The following CRACDL variants were observed in gnomAD, a reference collection of about 807,000 sequenced individuals.
CRACDL encodes CRACD-like protein.
In CRACDL, 26 loss-of-function variants were observed where a neutral mutation model predicts 70.6. That is an observed-to-expected ratio of 0.37 (90% CI 0.27 to 0.51). The LOEUF is 0.51. Ranked by LOEUF, CRACDL falls within the 20% of genes least tolerant of loss-of-function variation. CRACDL has a pLI of 0.94. For synonymous variants in CRACDL, 618 were observed against 615.2 expected (o/e 1.00, Z -0.07); for missense variants, 1,283 against 1,376.9 (o/e 0.93, Z 1.08).
chr2:98,822,428 G>A lies in CRACDL; in HGVS notation c.1845C>T (p.Asp615=). The change falls in exon 7 of 10, where the codon GAC becomes GAT. Residue 615 remains aspartate (D), a synonymous_variant. Coordinates refer to ENST00000397899, the MANE Select transcript of CRACDL (RefSeq NM_207362.3). The surrounding 1 kb of genome is among the most constrained non-coding windows in gnomAD (Gnocchi z 4.9). ...GCTGGGGCTCGGGGAGACCCTGGAG[G>A]TCGTCAAGAGCCGCCTCGCTCCTCC... ...PVWRSEAALD[D]LQGLPEPQHA... 1.3e-6 allele frequency: 2 copies of A among 1,484,112 alleles called. No homozygotes were observed. Among genetic ancestry groups the A allele is most frequent in the Non-Finnish European group, 1.8e-6 (2 of 1,125,614 alleles). The allele number at this position is 1,484,112 out of a possible 1,614,324, so 91.9% of individuals were successfully genotyped here. A position where few individuals can be genotyped will look rare whatever the true frequency, so the allele number is the denominator to read the frequency against.
In CRACDL at chr2:98,822,330, G is replaced by T; in HGVS notation, c.1943C>A (p.Ala648Asp). 6.9e-7 allele frequency: 1 copy of T among 1,457,016 alleles called. No homozygotes were observed. The highest frequency in any genetic ancestry group is 9.0e-7 in the Non-Finnish European group (1 of 1,116,318). 90.3% of individuals were successfully genotyped at this position (1,457,016 alleles called of 1,614,324 possible). ...QDSGDRAASP[A>D]GPRKSPQEAA... ...CTCCTGAGGGCTCTTGCGCGGCCCG[G>T]CCGGGCTGGCCGCCCTGTCCCCCGA... The change falls in exon 7 of 10, where the codon GCC (alanine) becomes GAC (aspartate). Residue 648 changes from alanine (A) to aspartate (D), a missense_variant. Physicochemically the swap from Ala to Asp is moderately radical, Grantham distance 126. Around this residue, in one of 2 missense-constraint regions of CRACDL, gnomAD observed 921 missense variants for 881.9 expected, o/e 1.04. Coordinates refer to ENST00000397899, the MANE Select transcript of CRACDL (RefSeq NM_207362.3). The surrounding 1 kb of genome is among the most constrained non-coding windows in gnomAD (Gnocchi z 4.9).
intron 1 of CRACDL, among the ~76,000 whole-genome samples, chr2:98,925,225 G>C (rs1368100264): frequency 2.0e-5 from 3 of 152,192 alleles, no homozygotes; most frequent in Non-Finnish European, 4.4e-5. Flanking sequence ...GGGAATGAAG[G>C]GCCCCTCCCT....
At chr2:98,910,261 T>A (rs1708514831) in intron 1 of CRACDL, among the ~76,000 whole-genome samples, 1 of 152,114 alleles carries the variant, frequency 6.6e-6, no homozygotes, top group Non-Finnish European at 1.5e-5. Context: ...GGCTCACACC[T>A]GTAATCCCAG....
chr2:98,839,417 T>A (rs1269618099), intron 2 of CRACDL, among the ~76,000 whole-genome samples: 1 of 152,244 alleles, frequency 6.6e-6, no homozygotes, highest in African/African-American at 2.4e-5. Flanking sequence ...GCATTTATGA[T>A]TTTGAAAGAT....
chr2:98,933,808 TCC>T (rs981795408), intron 1 of CRACDL, among the ~76,000 whole-genome samples: 2 of 152,034 alleles, frequency 1.3e-5, no homozygotes, highest in African/African-American at 4.8e-5. Context: ...GCCAGCTGAG[TCC>T]ATTTCAGCTG....
intron 1 of CRACDL, among the ~76,000 whole-genome samples, chr2:98,912,456 G>T (rs977358969): frequency 3.9e-5 from 6 of 152,228 alleles, no homozygotes; most frequent in African/African-American, 1.4e-4. Context: ...GTCCATGTTT[G>T]TCTCCGGCAG....
At chr2:98,890,033 T>C (rs1419172701) in intron 1 of CRACDL, among the ~76,000 whole-genome samples, 1 of 152,186 alleles carries the variant, frequency 6.6e-6, no homozygotes, top group African/African-American at 2.4e-5. Context: ...TATTTATAGC[T>C]GTAAGTGACA....
At chr2:98,885,283 T>C (rs1707771219) in intron 1 of CRACDL, among the ~76,000 whole-genome samples, 1 of 152,212 alleles carries the variant, frequency 6.6e-6, no homozygotes, top group Non-Finnish European at 1.5e-5. Flanking sequence ...CCTGACTTCA[T>C]ATCAGTACCC....
intron 2 of CRACDL, among the ~76,000 whole-genome samples, chr2:98,845,522 A>T (rs1330218731): frequency 2.0e-5 from 3 of 151,780 alleles, no homozygotes; most frequent in African/African-American, 7.3e-5. Context: ...TGGCCTTATT[A>T]TTTCTTACTT....
intron 5 of CRACDL, among the ~76,000 whole-genome samples, chr2:98,831,050 T>TA: frequency 6.6e-6 from 1 of 152,234 alleles, no homozygotes; most frequent in African/African-American, 2.4e-5. Flanking sequence ...TTGGAGGTGT[T>TA]AAAAGGGGTA....
At chr2:98,901,151 T>C (rs186213447) in intron 1 of CRACDL, among the ~76,000 whole-genome samples, 1 of 152,320 alleles carries the variant, frequency 6.6e-6, no homozygotes, top group East Asian at 1.9e-4. Context: ...GCAACCCCTC[T>C]CATCTGTGAA....
intron 7 of CRACDL, among the ~76,000 whole-genome samples, chr2:98,802,998 CTTT>C (rs34784675): frequency 5.5e-5 from 7 of 128,202 alleles, no homozygotes; most frequent in Non-Finnish European, 5.0e-5. Context: ...ACATGCCTGG[CTTT>C]TTTTTTTTTT....
chr2:98,823,081 C>A lies in CRACDL; in HGVS notation c.1192G>T (p.Val398Phe), dbSNP rs760736948. 1.9e-6 allele frequency: 3 copies of A among 1,574,114 alleles called. No homozygotes were observed. Among genetic ancestry groups the A allele is most frequent in the Non-Finnish European group, 1.7e-6 (2 of 1,163,380 alleles). Residue 398 changes from valine to phenylalanine, a missense_variant, in exon 7 of 10, where the codon GTC becomes TTC. Around this residue, in one of 2 missense-constraint regions of CRACDL, gnomAD observed 921 missense variants for 881.9 expected, o/e 1.04. Coordinates refer to ENST00000397899, the MANE Select transcript of CRACDL (RefSeq NM_207362.3). The surrounding 1 kb of genome is among the most constrained non-coding windows in gnomAD (Gnocchi z 4.0). ...AEEVVCAPED[V>F]ASPFPTAIPE... ...ATGGCGGTGGGAAACGGGCTCGCGA[C>A]GTCTTCGGGAGCACAGACCACCTCC...
chr2:98,821,507 A>G (rs1705025377), intron 7 of CRACDL, among the ~76,000 whole-genome samples: 1 of 152,206 alleles, frequency 6.6e-6, no homozygotes, highest in African/African-American at 2.4e-5. Context: ...GGGGTGTCCA[A>G]TCTTTTGGCT....
intron 7 of CRACDL, among the ~76,000 whole-genome samples, chr2:98,819,019 C>A (rs937528555): frequency 1.3e-5 from 2 of 152,238 alleles, no homozygotes; most frequent in African/African-American, 4.8e-5. Context: ...TGAAATTCAT[C>A]TAACTCTGAC....
intron 1 of CRACDL, among the ~76,000 whole-genome samples, chr2:98,928,575 G>A (rs781260918): frequency 2.6e-5 from 4 of 152,142 alleles, no homozygotes; most frequent in Non-Finnish European, 5.9e-5. Flanking sequence ...CTCCCCTACC[G>A]AGGGTCCAGC....
At chr2:98,795,077 A>ATATATATTTTTTTTTTTTTTTTTTT in intron 9 of CRACDL, among the ~76,000 whole-genome samples, 1 of 58,510 alleles carries the variant, frequency 1.7e-5, no homozygotes, top group African/African-American at 6.6e-5. Context: ...ATATATATAT[A>ATATATATTTTTTTTTTTTTTTTTTT]TTTTTTTTTT....
chr2:98,839,688 G>A (rs4263159), intron 2 of CRACDL, among the ~76,000 whole-genome samples: 74,941 of 152,064 alleles, frequency 0.49, 19,729 homozygotes, highest in African/African-American at 0.69. Context: ...TTTGTAATTC[G>A]ATTTCTTTAA....
intron 1 of CRACDL, among the ~76,000 whole-genome samples, chr2:98,909,594 A>G (rs1708495241): frequency 6.6e-6 from 1 of 152,182 alleles, no homozygotes; most frequent in Admixed American, 6.5e-5. Context: ...GGCCAGGCAA[A>G]TGGCATTTCC....
Sources: gnomAD v4.1 joint callset for allele counts (sites outside exome capture counted in the v4.1 genomes callset) on GRCh38, gnomAD v4.1.1 for gene constraint, gnomAD v4.1.1 regional missense constraint, Gnocchi (gnomAD v3.1) non-coding constraint, MANE v1.5 for transcripts, NCBI Gene and HGNC (gene_info 2026-07-23, HGNC 2026-07-21) for gene names.